Variants in TBC1D32 observed in about 807,000 individuals in gnomAD.
TBC1D32 encodes the protein protein broad-minded.
Under a neutral mutation model 170.3 loss-of-function variants are expected in TBC1D32, and 151 were observed. The ratio of observed to expected loss-of-function variants is 0.89; its 90% CI spans 0.78 to 1.01. The LOEUF is 1.01. Ranked by LOEUF, TBC1D32 falls within the 50% of genes least tolerant of loss-of-function variation. The pLI is 0.00. For synonymous variants in TBC1D32, 498 were observed against 488.0 expected (o/e 1.02, Z -0.27); for missense variants, 1,464 against 1,457.1 (o/e 1.00, Z -0.08).
At chr6:121,201,761 A>G (rs371955287) in intron 22 of TBC1D32, among the ~76,000 whole-genome samples, 1 of 151,236 alleles carries the variant, frequency 6.6e-6, no homozygotes, top group East Asian at 1.9e-4. Flanking sequence ...CTGTATATGT[A>G]CAGAAAGATG....
intron 19 of TBC1D32, among the ~76,000 whole-genome samples, chr6:121,239,987 C>T (rs1796748364): frequency 6.6e-6 from 1 of 152,072 alleles, no homozygotes; most frequent in Non-Finnish European, 1.5e-5. Flanking sequence ...AGCTGTTCAT[C>T]CTTGCAAAAA....
intron 24 of TBC1D32, among the ~76,000 whole-genome samples, chr6:121,157,135 G>A (rs1259461634): frequency 6.6e-6 from 1 of 151,986 alleles, no homozygotes; most frequent in Non-Finnish European, 1.5e-5. Context: ...TAATTTAGGG[G>A]CTATATAAGT....
chr6:121,210,555 G>C (rs1001589633), intron 21 of TBC1D32, among the ~76,000 whole-genome samples: 1 of 152,178 alleles, frequency 6.6e-6, no homozygotes. Context: ...TACTGTGGTA[G>C]GCAGAATTCG....
At chr6:121,235,652 G>A (rs369596110) in intron 20 of TBC1D32, among the ~76,000 whole-genome samples, 21 of 152,176 alleles carry the variant, frequency 1.4e-4, no homozygotes, top group African/African-American at 3.6e-4. Context: ...TGATCAGGGC[G>A]GAGAACTTGA....
intron 10 of TBC1D32, among the ~76,000 whole-genome samples, chr6:121,298,289 T>C (rs1285251186): frequency 2.0e-5 from 3 of 152,100 alleles, no homozygotes; most frequent in Non-Finnish European, 4.4e-5. Context: ...AATATTAAGA[T>C]GATTTATAAT....
chr6:121,297,039 T>G (rs889205059), intron 10 of TBC1D32, among the ~76,000 whole-genome samples: 1 of 152,074 alleles, frequency 6.6e-6, no homozygotes, highest in African/African-American at 2.4e-5. Context: ...TTATACTCTT[T>G]CCCTTATATT....
intron 24 of TBC1D32, among the ~76,000 whole-genome samples, chr6:121,136,184 A>C (rs369461992): frequency 1.3e-5 from 2 of 152,206 alleles, no homozygotes; most frequent in African/African-American, 4.8e-5. Context: ...ACAAACCAAA[A>C]GTAGATGTTT....
chr6:121,264,536 A>C (rs1468324776), intron 15 of TBC1D32, among the ~76,000 whole-genome samples: 1 of 152,192 alleles, frequency 6.6e-6, no homozygotes, highest in Non-Finnish European at 1.5e-5. Context: ...AACAATTAAA[A>C]GGAAGGGATT....
intron 22 of TBC1D32, among the ~76,000 whole-genome samples, chr6:121,197,515 T>G (rs905392839): frequency 1.6e-4 from 24 of 152,368 alleles, no homozygotes; most frequent in African/African-American, 4.3e-4. Context: ...TATACACTTG[T>G]ACTAAGACAT....
At chr6:121,334,482 G>C, upstream of TBC1D32, 1 of 1,553,492 alleles carries the variant, frequency 6.4e-7, no homozygotes. Flanking sequence ...AGCAAAAGCC[G>C]CGCACTGCGC....
chr6:121,112,379 A>C (rs1428653898), intron 29 of TBC1D32, 126 bp downstream of exon 29: 2 of 837,928 alleles, frequency 2.4e-6, no homozygotes, highest in South Asian at 3.1e-5. Context: ...GTCAAAAAAC[A>C]TTCAAGTAGA....
At chr6:121,308,239 T>A in intron 4 of TBC1D32, 138 bp from the exon 5 acceptor site, 2 of 840,126 alleles carry the variant, frequency 2.4e-6, no homozygotes, top group Non-Finnish European at 1.8e-6. Flanking sequence ...GCCTTTATAT[T>A]AAAAAGCTCT....
At chr6:121,304,683 A>G in intron 6 of TBC1D32, 58 bp from the exon 7 acceptor site, 1 of 1,537,734 alleles carries the variant, frequency 6.5e-7, no homozygotes, top group Non-Finnish European at 8.9e-7. Context: ...TTTCTGAAAA[A>G]AATTATTTCC....
intron 20 of TBC1D32, among the ~76,000 whole-genome samples, chr6:121,228,214 C>A (rs1419303365): frequency 6.6e-6 from 1 of 151,896 alleles, no homozygotes; most frequent in East Asian, 1.9e-4. Flanking sequence ...ATAATCATTT[C>A]CAAAAATCAC....
chr6:121,300,101 TATAAG>T (rs1274353302), intron 9 of TBC1D32, among the ~76,000 whole-genome samples: 3 of 152,218 alleles, frequency 2.0e-5, no homozygotes, highest in Non-Finnish European at 4.4e-5. Flanking sequence ...AGCTGGATTA[TATAAG>T]ATATCATTAG....
chr6:121,156,775 A>T (rs1784947321), intron 24 of TBC1D32, among the ~76,000 whole-genome samples: 1 of 152,094 alleles, frequency 6.6e-6, no homozygotes, highest in African/African-American at 2.4e-5. Flanking sequence ...TGTTCACTCA[A>T]GGGTTATAAA....
chr6:121,096,385 A>G (rs1285089206), intron 30 of TBC1D32: 1 of 152,112 alleles, frequency 6.6e-6, no homozygotes, highest in African/African-American at 2.4e-5. Context: ...AATCACAAGC[A>G]TTCCTATACA....
chr6:121,281,791 T>C, intron 13 of TBC1D32, 105 bp from the exon 14 acceptor site: 1 of 809,902 alleles, frequency 1.2e-6, no homozygotes, highest in African/African-American at 1.8e-5. Flanking sequence ...GTTAATTCAG[T>C]ACTTCAAAAG....
chr6:121,124,163 T>C (rs185124108), intron 26 of TBC1D32, among the ~76,000 whole-genome samples: 9 of 152,082 alleles, frequency 5.9e-5, no homozygotes, highest in Non-Finnish European at 2.9e-5. Flanking sequence ...CATGTTAGCA[T>C]CCTTTTCCTT....
Sources: gnomAD v4.1 joint callset for allele counts (sites outside exome capture counted in the v4.1 genomes callset) on GRCh38, gnomAD v4.1.1 for gene constraint, MANE v1.5 for transcripts, NCBI Gene and HGNC (gene_info 2026-07-23, HGNC 2026-07-21) for gene names.